A1BG: variants seen among roughly 807,000 people sequenced by gnomAD.
A1BG encodes the protein alpha-1B-glycoprotein.
Under a neutral mutation model 46.0 loss-of-function variants are expected in A1BG, and 44 were observed. That is an observed-to-expected ratio of 0.96 (90% CI 0.75 to 1.23). The LOEUF (loss-of-function observed/expected upper bound fraction) is 1.23, where lower values mean the gene tolerates loss of function less well. A1BG is among the 50% of genes most tolerant of loss of function. The probability of loss-of-function intolerance (pLI) is 0.00; values close to 1 mark genes in which losing one functional copy is unlikely to be tolerated. For synonymous variants in A1BG, 316 were observed against 314.7 expected (o/e 1.00, Z -0.04); for missense variants, 707 against 688.8 (o/e 1.03, Z -0.30).
chr19:58,348,105 A>C (rs1411986265), intron 6 of A1BG, among the ~76,000 whole-genome samples: 1 of 152,206 alleles, frequency 6.6e-6, no homozygotes. Context: ...TAATCTCAGC[A>C]CTTTGAGAGG....
rs1232944196 is a variant in A1BG at position 58,350,214 on chromosome 19, G to A, written c.1192+156C>T. 3 of 994,330 alleles carry A rather than the reference G, an allele frequency of 3.0e-6. No individual in the cohort carries two copies. In the African/African-American group the frequency reaches 5.1e-5, roughly 17 times the overall value. 61.6% of individuals were successfully genotyped at this position (994,330 alleles called of 1,614,324 possible). Reference sequence around the variant, plus strand: ...AAATTCCAGGCGTCCCCAGACCCTCGACCACCGATCGCCTGCTCCCCGCCG... The same window carrying A: ...AAATTCCAGGCGTCCCCAGACCCTCAACCACCGATCGCCTGCTCCCCGCCG... On this transcript the variant is annotated intron_variant, in intron 6 of 7. Transcript: ENST00000263100.
chr19:58,347,666 G>GCCAGGCCACGCC lies in A1BG; in HGVS notation c.1193-38_1193-27dup, dbSNP rs753157383. ...CTGGGCGGAGCGGGCGGGTGGTCGGGCCAGGCCACGCCCCAGGCCACGCCC... is the reference window on the plus strand; with the variant it reads ...CTGGGCGGAGCGGGCGGGTGGTCGGGCCAGGCCACGCCCCAGGCCACGCCCCAGGCCACGCCC... On this transcript the variant is annotated intron_variant, in intron 6 of 7. Transcript: ENST00000263100. 489 of 1,150,530 alleles carry GCCAGGCCACGCC rather than the reference G, an allele frequency of 4.3e-4. 2 individuals are homozygous for GCCAGGCCACGCC. In the African/African-American group the frequency reaches 8.6e-3, roughly 20 times the overall value. 71.3% of individuals were successfully genotyped at this position (1,150,530 alleles called of 1,614,324 possible).
chr19:58,346,938 G>C lies in A1BG; in HGVS notation c.*84C>G. The C allele has an allele frequency of 2.7e-6, 4 of 1,464,456 alleles. No individual in the cohort carries two copies. The highest frequency in any genetic ancestry group is 1.1e-5 in the South Asian group (1 of 88,022). The allele number at this position is 1,464,456 out of a possible 1,614,324, so 90.7% of individuals were successfully genotyped here. A position where few individuals can be genotyped will look rare whatever the true frequency, so the allele number is the denominator to read the frequency against. ...CCAGCCCCCCAGAGACCCCGGCCTT[G>C]TGCTGCAACAGGAGGGGAGGGAGCC... On this transcript the variant is annotated 3_prime_UTR_variant, in exon 8 of 8. Coordinates refer to ENST00000263100, the MANE Select transcript of A1BG (RefSeq NM_130786.4).
intron 2 of A1BG, 39 bp downstream of exon 2, chr19:58,353,253 C>A (rs2148002209): frequency 6.2e-7 from 1 of 1,613,872 alleles, no homozygotes; most frequent in East Asian, 2.2e-5. Flanking sequence ...TCCCCCCCGG[C>A]CTGGGCCCAC....
At position 58,351,567 on chromosome 19, in the gene A1BG, C is replaced by T. The variant is rs1280350283; in HGVS notation, c.734G>A (p.Arg245His). 20 of 1,613,948 alleles carry T rather than the reference C, an allele frequency of 1.2e-5. No individual in the cohort carries two copies. The highest frequency in any genetic ancestry group is 3.3e-5 in the South Asian group (3 of 91,090). ...PLSGVDFQLR[R>H]GEKELLVPRS... is the part of the protein sequence containing the mutation. ...GGGTACCAGCAGCTCTTTCTCCCCGCGCCGTAGCTGGAAGTCCACTCCACT... is the reference window on the plus strand; with the variant it reads ...GGGTACCAGCAGCTCTTTCTCCCCGTGCCGTAGCTGGAAGTCCACTCCACT... The change falls in exon 5 of 8, where the codon CGC becomes CAC. Residue 245 changes from arginine to histidine, a missense_variant. Coordinates refer to ENST00000263100, the MANE Select transcript of A1BG (RefSeq NM_130786.4).
Position 58,351,671 on chromosome 19 carries a change from A to G in A1BG, c.630T>C (p.Pro210=), listed in dbSNP as rs774649006. The part of the protein sequence containing the change: ...TIEELAAPPP[P]VLMHHGESSQ... ...AGGACTCTCCATGGTGCATCAGCACAGGCGGTGGTGGTGCAGCTGCAATGC... is the reference window on the plus strand; with the variant it reads ...AGGACTCTCCATGGTGCATCAGCACGGGCGGTGGTGGTGCAGCTGCAATGC... Residue 210 remains proline (P), a synonymous_variant, in exon 5 of 8, where the codon CCT becomes CCC. Coordinates refer to ENST00000263100, the MANE Select transcript of A1BG (RefSeq NM_130786.4). The G allele has an allele frequency of 5.6e-6, 9 of 1,598,144 alleles. No homozygotes were observed. The highest frequency in any genetic ancestry group is 7.7e-6 in the Non-Finnish European group (9 of 1,172,696).
At chr19:58,347,903 T>TG (rs1434102407) in intron 6 of A1BG, 1 of 303,208 alleles carries the variant, frequency 3.3e-6, no homozygotes, top group Non-Finnish European at 6.1e-6. Flanking sequence ...GGGCCTGCTC[T>TG]GGGGCTTCTG....
intron 6 of A1BG, chr19:58,350,092 G>A: frequency 2.3e-6 from 1 of 437,192 alleles, no homozygotes; most frequent in Non-Finnish European, 4.1e-6. Context: ...CCACAGAGCT[G>A]CAGGGATCTG....
Position 58,350,610 on chromosome 19 carries a change from CGGACTCCGGCTCCGGGGA to C in A1BG, c.934_951del (p.Ser312_Ser317del), listed in dbSNP as rs2051949048. On this transcript the variant is annotated inframe_deletion, in exon 6 of 8. Transcript: ENST00000263100. Reference sequence around the variant, plus strand: ...AGGCACCGCAGCCGCAAGGCCCTGCCGGACTCCGGCTCCGGGGAGAACTCCGGCGCGGGCAGCGTCTCT... The same window carrying C: ...AGGCACCGCAGCCGCAAGGCCCTGCCGAACTCCGGCGCGGGCAGCGTCTCT... 4.8e-6 allele frequency: 7 copies of C among 1,456,826 alleles called. No homozygotes were observed. In the South Asian group the frequency reaches 8.5e-5, roughly 18 times the overall value. The allele number at this position is 1,456,826 out of a possible 1,614,324, so 90.2% of individuals were successfully genotyped here.
chr19:58,351,061 A>G (rs1340815601), intron 5 of A1BG: 2 of 467,604 alleles, frequency 4.3e-6, no homozygotes, highest in Non-Finnish European at 7.8e-6. Flanking sequence ...TTTGCTAAAT[A>G]CCATCAGGTC....
Position 58,351,432 on chromosome 19 carries a change from C to T in A1BG, c.869G>A (p.Trp290Ter). 6.2e-7 allele frequency: 1 copy of T among 1,613,462 alleles called. No individual in the cohort carries two copies. Among genetic ancestry groups the T allele is most frequent in the Non-Finnish European group, 8.5e-7 (1 of 1,180,034 alleles). Residue 290 changes from tryptophan to a stop codon, truncating the protein, a stop_gained, in exon 5 of 8, where the codon TGG (tryptophan) becomes TAG (stop). Transcript: ENST00000263100. LOFTEE classifies it high-confidence loss of function. The part of the protein sequence containing the change: ...RYRLHDNQNG[W>*]SGDSAPVELI... Reference sequence around the variant, plus strand: ...CTCGACCGGCGCGCTGTCCCCGGACCAGCCGTTTTGGTTGTCATGCAGCCG... The same window carrying T: ...CTCGACCGGCGCGCTGTCCCCGGACTAGCCGTTTTGGTTGTCATGCAGCCG...
chr19:58,352,406 C>T lies in A1BG; in HGVS notation c.490G>A (p.Ala164Thr), dbSNP rs1241214580. The stretch of plus-strand genomic sequence containing the variant: ...AAGGTGGCCTCCACATCCTCCTGGG[C>T]CTCAGGCACCTCCAGAAACTCATGG... The part of the protein sequence containing the change: ...GDHEFLEVPE[A>T]QEDVEATFPV... The change falls in exon 4 of 8, where the codon GCC becomes ACC. Residue 164 changes from alanine to threonine, a missense_variant. By Grantham distance (58) the Ala-to-Thr change is moderately conservative. Coordinates refer to ENST00000263100, the MANE Select transcript of A1BG (RefSeq NM_130786.4). 1.9e-6 allele frequency: 3 copies of T among 1,613,910 alleles called. No individual in the cohort carries two copies. The highest frequency in any genetic ancestry group is 2.5e-6 in the Non-Finnish European group (3 of 1,180,022).
rs981374808 is a variant in A1BG, at chr19:58,353,285, C to T, written c.70+7G>A. 8 of 1,613,722 alleles carry T rather than the reference C, an allele frequency of 5.0e-6. No homozygotes were observed. The highest frequency in any genetic ancestry group is 3.3e-5 in the Admixed American group (2 of 59,972). ...CCACCATTCCCAGACCTCACCCCTG[C>T]ACTCACATATGGCTGCTTCTGTCAC... On this transcript the variant is annotated splice_region_variant and intron_variant, in intron 2 of 7. Transcript: ENST00000263100.
chr19:58,350,058 A>C, intron 6 of A1BG: 1 of 312,948 alleles, frequency 3.2e-6, no homozygotes. Flanking sequence ...GACGACTGAC[A>C]TGGCCAGTAA....
In A1BG at chr19:58,347,658, G is replaced by T. The variant is rs1328305203; in HGVS notation, c.1193-18C>A. 3.2e-5 allele frequency: 44 copies of T among 1,374,674 alleles called. 1 individual carries two copies. Among genetic ancestry groups the T allele is most frequent in the Non-Finnish European group, 3.8e-5 (41 of 1,081,494 alleles). 85.2% of individuals were successfully genotyped at this position (1,374,674 alleles called of 1,614,324 possible). A position where few individuals can be genotyped will look rare whatever the true frequency, so the allele number is the denominator to read the frequency against. ...AGGGGGTCCTGGGCGGAGCGGGCGG[G>T]TGGTCGGGCCAGGCCACGCCCCAGG... On this transcript the variant is annotated intron_variant, in intron 6 of 7. Coordinates refer to ENST00000263100, the MANE Select transcript of A1BG (RefSeq NM_130786.4).
At position 58,352,823 on chromosome 19, in the gene A1BG, T is replaced by C. The variant is rs557591879; in HGVS notation, c.340+105A>G. 34 of 1,459,874 alleles carry C rather than the reference T, an allele frequency of 2.3e-5. No homozygotes were observed. The African/African-American group carries it at 3.5e-4, about 15-fold the overall frequency. 90.4% of individuals were successfully genotyped at this position (1,459,874 alleles called of 1,614,324 possible). A position where few individuals can be genotyped will look rare whatever the true frequency, so the allele number is the denominator to read the frequency against. On this transcript the variant is annotated intron_variant, in intron 3 of 7. Coordinates refer to ENST00000263100, the MANE Select transcript of A1BG (RefSeq NM_130786.4). ...CATCCCCATTTGACAGATGGGAAGATTGGGGCTTGGGGCTCAGAGACATCG... is the reference window on the plus strand; with the variant it reads ...CATCCCCATTTGACAGATGGGAAGACTGGGGCTTGGGGCTCAGAGACATCG...
chr19:58,347,698 A>ACGCCC (rs1568552344), intron 6 of A1BG, 58 bp from the exon 7 acceptor site: 75 of 604,800 alleles, frequency 1.2e-4, no homozygotes, highest in Admixed American at 3.8e-4. Context: ...GCCCCAGGCC[A>ACGCCC]CACCCCAGGC....
Position 58,347,358 on chromosome 19 carries a change from A to G in A1BG, c.1475T>C (p.Val492Ala). ...SELSDPVELL[V>A]AES ...GGGACCCAGGGAAACGTCACCTGCC[A>G]CCAGGAGCTCCACAGGGTCGCTGAG... Residue 492 changes from valine (V) to alanine (A), a missense_variant, in exon 7 of 8, where the codon GTG becomes GCG. Transcript: ENST00000263100. 1.9e-6 allele frequency: 3 copies of G among 1,611,708 alleles called. No homozygotes were observed. The highest frequency in any genetic ancestry group is 2.5e-6 in the Non-Finnish European group (3 of 1,179,834).
chr19:58,347,404 G>T lies in A1BG; in HGVS notation c.1429C>A (p.Pro477Thr). 6.2e-7 allele frequency: 1 copy of T among 1,611,798 alleles called. No homozygotes were observed. The highest frequency in any genetic ancestry group is 1.3e-5 in the African/African-American group (1 of 74,966). The stretch of plus-strand genomic sequence containing the variant: ...CTGAGCTCCGATTCGAAGGTGTGGG[G>T]CACCCAGGAGCGGTAGCGGCACCTG... Reference protein sequence around the residue: ...NYRCRYRSWVPHTFESELSDP... With the variant: ...NYRCRYRSWVTHTFESELSDP... Residue 477 changes from proline to threonine, a missense_variant, in exon 7 of 8, where the codon CCC becomes ACC. Physicochemically the swap from Pro to Thr is conservative, Grantham distance 38. Coordinates refer to ENST00000263100, the MANE Select transcript of A1BG (RefSeq NM_130786.4).
Sources: gnomAD v4.1 joint callset for allele counts (sites outside exome capture counted in the v4.1 genomes callset) on GRCh38, gnomAD v4.1.1 for gene constraint, MANE v1.5 for transcripts, NCBI Gene and HGNC (gene_info 2026-07-23, HGNC 2026-07-21) for gene names.